DDAH1: variants seen among roughly 807,000 people sequenced by gnomAD.
DDAH1 encodes the protein N(G),N(G)-dimethylarginine dimethylaminohydrolase 1.
DDAH1 carries 19 observed loss-of-function variants against 28.8 expected under a neutral mutation model. The ratio of observed to expected loss-of-function variants is 0.66; its 90% CI spans 0.46 to 0.97. The LOEUF is 0.97. Among genes scored for constraint, DDAH1 ranks in the 50% least tolerant of loss-of-function variants. DDAH1 has a pLI of 0.00. For missense variants in DDAH1, 326 were observed against 375.9 expected (o/e 0.87, Z 1.10); for synonymous variants, 153 against 154.4 (o/e 0.99, Z 0.07).
chr1:85,383,061 A>G (rs1651076022), intron 1 of DDAH1, among the ~76,000 whole-genome samples: 1 of 152,238 alleles, frequency 6.6e-6, no homozygotes, highest in African/African-American at 2.4e-5. Context: ...TAAATCAAGG[A>G]GTAATTTCAA....
intron 1 of DDAH1, among the ~76,000 whole-genome samples, chr1:85,533,958 C>T (rs1347948047): frequency 1.3e-5 from 2 of 152,132 alleles, no homozygotes; most frequent in African/African-American, 4.8e-5. Context: ...TAAGTTAAAA[C>T]AAAACGTGGG....
At chr1:85,496,301 G>C (rs2100734043) in intron 1 of DDAH1, 1 of 761,460 alleles carries the variant, frequency 1.3e-6, no homozygotes, top group African/African-American at 1.9e-5. Flanking sequence ...GAGAAATATG[G>C]AAGCAGAGAG....
At chr1:85,529,520 G>GT (rs1397497490) in intron 1 of DDAH1, among the ~76,000 whole-genome samples, 1 of 149,542 alleles carries the variant, frequency 6.7e-6, no homozygotes, top group African/African-American at 2.5e-5. Flanking sequence ...TCAGTGGCAG[G>GT]TGGGGTAGAA....
intron 1 of DDAH1, among the ~76,000 whole-genome samples, chr1:85,457,662 A>G (rs1050246125): frequency 2.0e-5 from 3 of 152,186 alleles, no homozygotes; most frequent in Admixed American, 1.3e-4. Context: ...AAACTTTAAT[A>G]TTTCTTAAGC....
intron 1 of DDAH1, among the ~76,000 whole-genome samples, chr1:85,375,317 T>G (rs1482543566): frequency 6.6e-6 from 1 of 152,072 alleles, no homozygotes; most frequent in African/African-American, 2.4e-5. Context: ...AAACCCAGAA[T>G]GCACCTGGTC....
intron 2 of DDAH1, among the ~76,000 whole-genome samples, chr1:85,484,236 A>C (rs917997806): frequency 5.3e-5 from 8 of 151,780 alleles, no homozygotes; most frequent in Non-Finnish European, 1.2e-4. Flanking sequence ...TAGCTGGTTC[A>C]GGATAAATTT....
At chr1:85,575,617 T>C (rs1333482655) in intron 1 of DDAH1, among the ~76,000 whole-genome samples, 1 of 152,248 alleles carries the variant, frequency 6.6e-6, no homozygotes, top group Non-Finnish European at 1.5e-5. Context: ...ATCAACTATT[T>C]TTTATATCTG....
chr1:85,391,862 T>G (rs1481400340), intron 1 of DDAH1, among the ~76,000 whole-genome samples: 2 of 152,194 alleles, frequency 1.3e-5, no homozygotes, highest in East Asian at 3.9e-4. Context: ...AGGGAAAACA[T>G]TATAAACAGG....
intron 4 of DDAH1, among the ~76,000 whole-genome samples, chr1:85,342,636 T>C (rs1302969624): frequency 2.0e-5 from 3 of 152,346 alleles, no homozygotes; most frequent in Admixed American, 2.0e-4. Flanking sequence ...TCTAGTTTTC[T>C]ATGGCTTTAA....
At chr1:85,407,354 T>C (rs562088038) in intron 1 of DDAH1, among the ~76,000 whole-genome samples, 12 of 152,304 alleles carry the variant, frequency 7.9e-5, no homozygotes, top group Middle Eastern at 6.8e-3. Flanking sequence ...TTGATTTAGC[T>C]TGAGTGTGCA....
At chr1:85,392,834 C>T (rs1224532489) in intron 1 of DDAH1, among the ~76,000 whole-genome samples, 2 of 151,262 alleles carry the variant, frequency 1.3e-5, no homozygotes, top group Admixed American at 6.6e-5. Flanking sequence ...AAATGAACCC[C>T]TGATGACTCT....
intron 1 of DDAH1, among the ~76,000 whole-genome samples, chr1:85,455,827 A>C (rs973479046): frequency 1.3e-5 from 2 of 152,256 alleles, no homozygotes; most frequent in Admixed American, 6.5e-5. Flanking sequence ...TAAATGGTTG[A>C]GTAAGCAGAG....
At chr1:85,399,441 G>A (rs991327085) in intron 1 of DDAH1, 3 of 152,230 alleles carry the variant, frequency 2.0e-5, no homozygotes, top group Admixed American at 1.3e-4. Context: ...ACTCACCCAG[G>A]TGAAAGCATG....
chr1:85,397,616 T>C (rs1034022461), intron 1 of DDAH1, among the ~76,000 whole-genome samples: 1 of 152,174 alleles, frequency 6.6e-6, no homozygotes, highest in Non-Finnish European at 1.5e-5. Flanking sequence ...ATTCCATCTT[T>C]CTCCTTAATA....
chr1:85,392,811 A>AAAAG (rs1651622644), intron 1 of DDAH1, among the ~76,000 whole-genome samples: 1 of 139,724 alleles, frequency 7.2e-6, no homozygotes, highest in Non-Finnish European at 1.5e-5. Flanking sequence ...AAAAAAAAAA[A>AAAAG]AAAAAAGAAA....
intron 1 of DDAH1, among the ~76,000 whole-genome samples, chr1:85,391,586 C>G (rs1651553356): frequency 6.6e-6 from 1 of 152,194 alleles, no homozygotes; most frequent in Admixed American, 6.5e-5. Flanking sequence ...ATTAGAGAAG[C>G]CCCAAAATGG....
intron 1 of DDAH1, among the ~76,000 whole-genome samples, chr1:85,576,083 A>T (rs6693387): frequency 0.86 from 128,861 of 149,844 alleles, 55,646 homozygotes; most frequent in Middle Eastern, 0.93. Flanking sequence ...AATAAAATTT[A>T]AAAAAAAAGA....
rs185726792 is a variant in DDAH1 at position 85,364,049 on chromosome 1, C to G, written c.304-5202G>C. ...ATAAAATGGAATATTTGTTGTGATGCTCACAATAACTCCAAAAAGAAGAAA... is the reference window on the plus strand; with the variant it reads ...ATAAAATGGAATATTTGTTGTGATGGTCACAATAACTCCAAAAAGAAGAAA... On this transcript the variant is annotated intron_variant, in intron 1 of 5. Transcript: ENST00000284031. 5.9e-5 allele frequency among the ~76,000 whole-genome samples: 9 copies of G among 151,860 alleles called. No individual in the cohort carries two copies. In the East Asian group the frequency reaches 1.5e-3, roughly 26 times the overall value.
At position 85,492,233 on chromosome 1, in the gene DDAH1, AT is replaced by A. The variant is rs139992773; in HGVS notation, c.-7+3932del. The stretch of plus-strand genomic sequence containing the variant: ...AAAAAGCTTTTGTGTGTGTAATAAG[AT>A]AATGCAGGTAAAATTGCTCTAAAAA... On this transcript the variant is annotated intron_variant, in intron 2 of 6. Transcript: ENST00000426972. Among the ~76,000 whole-genome samples the A allele has an allele frequency of 4.0e-3, 602 of 152,324 alleles. 6 individuals carry two copies. Among genetic ancestry groups the A allele is most frequent in the African/African-American group, 0.014 (578 of 41,574 alleles).
Sources: gnomAD v4.1 joint callset for allele counts (sites outside exome capture counted in the v4.1 genomes callset) on GRCh38, gnomAD v4.1.1 for gene constraint, MANE v1.5 for transcripts, NCBI Gene and HGNC (gene_info 2026-07-23, HGNC 2026-07-21) for gene names.